Variants in RAD51B observed in about 807,000 individuals in gnomAD.
The protein encoded by RAD51B is DNA repair protein RAD51 homolog 2.
Under a neutral mutation model 42.2 loss-of-function variants are expected in RAD51B, and 38 were observed. That is an observed-to-expected ratio of 0.90 (90% CI 0.70 to 1.18). RAD51B has a LOEUF of 1.18. Among genes scored for constraint, RAD51B ranks in the 50% most tolerant of loss-of-function variants. The pLI is 0.00. For synonymous variants in RAD51B, 154 were observed against 145.2 expected, an observed-to-expected ratio of 1.06 and a Z score of -0.43; for missense variants, 373 against 400.7, an observed-to-expected ratio of 0.93 and a Z score of 0.59.
chr14:68,042,355 G>A (rs1485621485), intron 7 of RAD51B, among the ~76,000 whole-genome samples: 2 of 152,218 alleles, frequency 1.3e-5, no homozygotes, highest in Middle Eastern at 3.4e-3. Context: ...GCGTTAAAGG[G>A]GAGTGGACTC....
At chr14:68,450,966 G>A (rs1435314517) in intron 9 of RAD51B, among the ~76,000 whole-genome samples, 1 of 152,110 alleles carries the variant, frequency 6.6e-6, no homozygotes, top group African/African-American at 2.4e-5. Flanking sequence ...CCCACAGAGG[G>A]CCCTGTCCAG....
intron 8 of RAD51B, among the ~76,000 whole-genome samples, chr14:68,406,321 A>G (rs1291478190): frequency 6.6e-6 from 1 of 152,234 alleles, no homozygotes; most frequent in African/African-American, 2.4e-5. Context: ...AGCCTACTAC[A>G]AACCCAGGCT....
chr14:68,235,897 TC>T (rs2080245827), intron 7 of RAD51B, among the ~76,000 whole-genome samples: 1 of 152,112 alleles, frequency 6.6e-6, no homozygotes, highest in African/African-American at 2.4e-5. Context: ...TGAGATCATG[TC>T]CTTTGCAGCA....
chr14:67,870,967 G>A (rs2042508355), intron 5 of RAD51B, among the ~76,000 whole-genome samples: 1 of 149,412 alleles, frequency 6.7e-6, no homozygotes, highest in Admixed American at 6.7e-5. Flanking sequence ...AGCACTAAAT[G>A]CCCACAAGAG....
At chr14:68,641,513 C>T (rs753760383) in intron 10 of RAD51B, among the ~76,000 whole-genome samples, 1 of 147,032 alleles carries the variant, frequency 6.8e-6, no homozygotes, top group East Asian at 1.9e-4. Context: ...AGGGGAAATC[C>T]TTGCTTTCTT....
At chr14:68,433,540 G>A (rs545276345) in intron 9 of RAD51B, among the ~76,000 whole-genome samples, 1 of 151,992 alleles carries the variant, frequency 6.6e-6, no homozygotes, top group Non-Finnish European at 1.5e-5. Flanking sequence ...TGATCGACTC[G>A]GCTCCTGAAG....
At chr14:68,313,277 A>G (rs2081997032) in intron 8 of RAD51B, among the ~76,000 whole-genome samples, 1 of 152,192 alleles carries the variant, frequency 6.6e-6, no homozygotes, top group African/African-American at 2.4e-5. Flanking sequence ...AAAGAGGGGT[A>G]CAGCAGCTGA....
rs17105875 is a variant in RAD51B, at chr14:68,572,753, C to T, written c.1037-21732C>T. ...GTGGTGACTTCAATCTTGATATGCT[C>T]TTCCCCTGCTGACCTTGACTTCCCA... On this transcript the variant is annotated intron_variant, in intron 10 of 10. Transcript: ENST00000487270. Among the ~76,000 whole-genome samples the T allele has an allele frequency of 5.1e-3, 783 of 152,310 alleles. 13 individuals carry two copies. The highest frequency in any genetic ancestry group is 0.018 in the African/African-American group (761 of 41,564).
chr14:67,837,898 C>T (rs922550219), intron 4 of RAD51B, among the ~76,000 whole-genome samples: 1 of 152,026 alleles, frequency 6.6e-6, no homozygotes, highest in African/African-American at 2.4e-5. Context: ...AGACTTATTC[C>T]TCCTGTCTTG....
chr14:68,628,513 A>G (rs959334610), intron 10 of RAD51B: 1 of 151,994 alleles, frequency 6.6e-6, no homozygotes, highest in Non-Finnish European at 1.5e-5. Context: ...TAAATATCTG[A>G]CGAATATTCC....
intron 8 of RAD51B, among the ~76,000 whole-genome samples, chr14:68,328,870 G>C (rs918675823): frequency 1.6e-4 from 24 of 152,168 alleles, no homozygotes; most frequent in Admixed American, 9.8e-4. Context: ...CACACTGCAA[G>C]GAAGAGCTGA....
chr14:68,040,649 A>G (rs957287224), intron 7 of RAD51B, among the ~76,000 whole-genome samples: 3 of 152,322 alleles, frequency 2.0e-5, no homozygotes, highest in African/African-American at 2.4e-5. Flanking sequence ...TGCTCTCTCT[A>G]TTCAGTAAAT....
intron 10 of RAD51B, among the ~76,000 whole-genome samples, chr14:68,510,185 A>G (rs1885627560): frequency 6.6e-6 from 1 of 152,084 alleles, no homozygotes; most frequent in Non-Finnish European, 1.5e-5. Flanking sequence ...TTTTCCCTCC[A>G]TCCTGAGTTT....
intron 10 of RAD51B, among the ~76,000 whole-genome samples, chr14:68,625,520 T>C (rs1490953689): frequency 6.6e-6 from 1 of 152,178 alleles, no homozygotes; most frequent in East Asian, 1.9e-4. Context: ...TTGCCCAGGC[T>C]GTAGTGCAGT....
At chr14:68,337,541 C>G (rs1465713480) in intron 8 of RAD51B, among the ~76,000 whole-genome samples, 2 of 152,074 alleles carry the variant, frequency 1.3e-5, no homozygotes, top group African/African-American at 2.4e-5. Context: ...TGTCCTTTTT[C>G]CTTTGCTGTC....
intron 7 of RAD51B, among the ~76,000 whole-genome samples, chr14:68,115,156 C>T (rs1308116289): frequency 7.3e-6 from 1 of 136,292 alleles, no homozygotes; most frequent in Non-Finnish European, 1.5e-5. Flanking sequence ...AAATGTCCAA[C>T]AATGATAGAC....
chr14:68,074,788 G>A (rs1010452597), intron 7 of RAD51B, among the ~76,000 whole-genome samples: 2 of 152,194 alleles, frequency 1.3e-5, no homozygotes, highest in African/African-American at 2.4e-5. Flanking sequence ...CCCCAGAAGC[G>A]TATATTAGCA....
intron 8 of RAD51B, chr14:68,339,373 G>A (rs1024146361): frequency 8.9e-5 from 90 of 1,013,832 alleles, no homozygotes; most frequent in Non-Finnish European, 1.2e-4. Context: ...TTCACAAAGC[G>A]GGTGAGGTCT....
intron 7 of RAD51B, among the ~76,000 whole-genome samples, chr14:68,059,587 G>A (rs1337740274): frequency 6.6e-6 from 1 of 152,128 alleles, no homozygotes; most frequent in African/African-American, 2.4e-5. Flanking sequence ...TTTCTGCTAG[G>A]TGGAATTCTA....
Sources: allele counts gnomAD v4.1 joint callset (sites outside exome capture counted in the v4.1 genomes callset), GRCh38; gene constraint gnomAD v4.1.1; transcripts MANE v1.5; gene names NCBI Gene and HGNC (gene_info 2026-07-23, HGNC 2026-07-21).